LRRC37A2: variants seen among roughly 807,000 people sequenced by gnomAD.
LRRC37A2 encodes the protein leucine rich repeat containing 37 member A2.
LRRC37A2 carries 9 observed loss-of-function variants against 68.8 expected under a neutral mutation model. The observed-to-expected ratio is 0.13, with a 90% confidence interval of 0.08 to 0.23. The LOEUF (loss-of-function observed/expected upper bound fraction) is 0.23. Among genes scored for constraint, LRRC37A2 ranks in the 10% least tolerant of loss-of-function variants. The pLI is 1.00. For missense variants in LRRC37A2, 168 were observed against 950.4 expected (o/e 0.18, Z 10.82); for synonymous variants, 63 against 367.6 (o/e 0.17, Z 9.48).
At chr17:46,841,143 T>C in the LRRC37A2 span, among the ~76,000 whole-genome samples, 3 of 152,156 alleles carry the variant, frequency 2.0e-5, no homozygotes, top group East Asian at 3.9e-4. Context: ...ACAAATCAAA[T>C]TTACCATTTA....
At chr17:47,042,946 G>C in the LRRC37A2 span, among the ~76,000 whole-genome samples, 1 of 148,054 alleles carries the variant, frequency 6.8e-6, no homozygotes, top group Non-Finnish European at 1.5e-5. Flanking sequence ...TAATAGCTTG[G>C]TGACCCAGGA....
At chr17:46,862,374 T>C in the LRRC37A2 span, among the ~76,000 whole-genome samples, 2 of 152,130 alleles carry the variant, frequency 1.3e-5, no homozygotes, top group African/African-American at 4.8e-5. Flanking sequence ...CAGGTAGACA[T>C]CTACAGGTTG....
intron 8 of LRRC37A2, among the ~76,000 whole-genome samples, chr17:46,543,817 TGGG>T (rs1186317922): frequency 1.3e-5 from 2 of 150,744 alleles, no homozygotes; most frequent in South Asian, 2.1e-4. Context: ...AATAAAAACT[TGGG>T]GGCAGAAAAA....
the LRRC37A2 span, among the ~76,000 whole-genome samples, chr17:46,737,562 GGTGTGTGTGC>G: frequency 2.4e-5 from 3 of 124,722 alleles, no homozygotes; most frequent in African/African-American, 8.2e-5. Flanking sequence ...GTTCACCTAG[GGTGTGTGTGC>G]GTGTGTGTGT....
At chr17:46,543,554 G>C (rs1446113367) in intron 8 of LRRC37A2, among the ~76,000 whole-genome samples, 1 of 150,892 alleles carries the variant, frequency 6.6e-6, no homozygotes, top group East Asian at 1.9e-4. Context: ...TAGTCCTCTG[G>C]TTATGTCAGA....
At chr17:46,877,158 G>A in the LRRC37A2 span, 1 of 914,660 alleles carries the variant, frequency 1.1e-6, no homozygotes, top group Middle Eastern at 5.6e-4. Flanking sequence ...TGGAAGTGAA[G>A]GCGGGAGCCT....
At chr17:46,669,606 CT>C in the LRRC37A2 span, among the ~76,000 whole-genome samples, 14 of 136,844 alleles carry the variant, frequency 1.0e-4, 2 homozygotes, top group Non-Finnish European at 2.3e-4. Flanking sequence ...TAGTTTTCTT[CT>C]AAGTGAAAGG....
the LRRC37A2 span, among the ~76,000 whole-genome samples, chr17:46,952,191 T>C: frequency 1.3e-5 from 2 of 152,224 alleles, no homozygotes; most frequent in Non-Finnish European, 2.9e-5. Context: ...CCCCTTCTGC[T>C]GGTGCCATTG....
the LRRC37A2 span, among the ~76,000 whole-genome samples, chr17:46,883,273 C>T: frequency 1.7e-3 from 249 of 146,680 alleles, no homozygotes; most frequent in African/African-American, 5.8e-3. Context: ...TGAGCTACTG[C>T]GCCCGGCCTT....
chr17:46,721,487 C>T, the LRRC37A2 span: 2 of 759,342 alleles, frequency 2.6e-6, no homozygotes, highest in Non-Finnish European at 4.5e-6. Context: ...ATAATTTTAC[C>T]TGTTCTACAG....
chr17:46,601,405 CTTT>C, the LRRC37A2 span, among the ~76,000 whole-genome samples: 2 of 41,648 alleles, frequency 4.8e-5, no homozygotes, highest in Admixed American at 2.7e-4. Context: ...TATAATTACC[CTTT>C]TTTTTTTTTT....
At chr17:46,403,654 T>C in the LRRC37A2 span, among the ~76,000 whole-genome samples, 1,728 of 77,950 alleles carry the variant, frequency 0.022, 336 homozygotes, top group Non-Finnish European at 0.042. Flanking sequence ...TGAATGAAGC[T>C]GTTAAAGGCT....
chr17:46,900,182 T>TA, the LRRC37A2 span, among the ~76,000 whole-genome samples: 1 of 122,246 alleles, frequency 8.2e-6, no homozygotes, highest in Non-Finnish European at 1.5e-5. Flanking sequence ...TATATATATA[T>TA]ATATATATAT....
At chr17:46,885,196 A>G in the LRRC37A2 span, 199 of 319,020 alleles carry the variant, frequency 6.2e-4, no homozygotes, top group African/African-American at 4.2e-3. Context: ...AGTAGAGATG[A>G]GGTTTCTCCA....
At chr17:46,888,444 G>T in the LRRC37A2 span, among the ~76,000 whole-genome samples, 5 of 152,270 alleles carry the variant, frequency 3.3e-5, no homozygotes, top group African/African-American at 9.6e-5. Flanking sequence ...AGGGAGAGGG[G>T]ACCCTAAGGC....
the LRRC37A2 span, among the ~76,000 whole-genome samples, chr17:46,892,217 C>A: frequency 1.3e-5 from 2 of 151,974 alleles, no homozygotes; most frequent in East Asian, 3.9e-4. Flanking sequence ...CTGCACAGGC[C>A]TCCTCCCTTT....
At chr17:46,738,286 T>G in the LRRC37A2 span, among the ~76,000 whole-genome samples, 1 of 152,174 alleles carries the variant, frequency 6.6e-6, no homozygotes, top group Non-Finnish European at 1.5e-5. Flanking sequence ...GAGGATATGT[T>G]CTGTGTACTT....
chr17:47,008,301 C>T, the LRRC37A2 span, among the ~76,000 whole-genome samples: 1 of 151,118 alleles, frequency 6.6e-6, no homozygotes, highest in Admixed American at 6.6e-5. Flanking sequence ...TTAGTAGAGA[C>T]GGGGTTTCAC....
the LRRC37A2 span, chr17:47,018,745 C>G: frequency 6.6e-7 from 1 of 1,520,928 alleles, no homozygotes; most frequent in Non-Finnish European, 9.1e-7. Context: ...CATCAGGAGG[C>G]CCCAGCTCAG....
Sources: allele counts gnomAD v4.1 joint callset (sites outside exome capture counted in the v4.1 genomes callset), GRCh38; gene constraint gnomAD v4.1.1; transcripts MANE v1.5; gene names NCBI Gene and HGNC (gene_info 2026-07-23, HGNC 2026-07-21).